The following RAD52 variants were observed in gnomAD, a reference collection of about 807,000 sequenced individuals.
The protein encoded by RAD52 is RAD52 DNA repair protein.
A neutral mutation model predicts 55.5 loss-of-function variants in RAD52; 47 were observed. That is an observed-to-expected ratio of 0.85 (90% CI 0.67 to 1.08). RAD52 has a LOEUF of 1.08. Ranked by LOEUF, RAD52 falls within the 50% of genes least tolerant of loss-of-function variation. The pLI is 0.00. For missense variants in RAD52, 468 were observed against 522.8 expected (o/e 0.90, Z 1.02); for synonymous variants, 184 against 198.9 (o/e 0.92, Z 0.63).
At chr12:964,874 C>T (rs867060679) in intron 1 of RAD52, among the ~76,000 whole-genome samples, 14 of 152,118 alleles carry the variant, frequency 9.2e-5, no homozygotes, top group Middle Eastern at 3.4e-3. Context: ...ACCTCCCCAG[C>T]CTCTATGTGC....
chr12:926,821 G>A, intron 6 of RAD52: 1 of 1,536,858 alleles, frequency 6.5e-7, no homozygotes, highest in Non-Finnish European at 8.7e-7. Context: ...GACTGCTGAG[G>A]AGCACGGAGA....
At chr12:970,697 T>C (rs1318113470) in intron 1 of RAD52, among the ~76,000 whole-genome samples, 4 of 152,146 alleles carry the variant, frequency 2.6e-5, no homozygotes, top group African/African-American at 9.7e-5. Context: ...AGGAGGTGGT[T>C]ACAAATGGTT....
At chr12:948,532 G>C (rs1022520624) in intron 1 of RAD52, among the ~76,000 whole-genome samples, 1 of 152,022 alleles carries the variant, frequency 6.6e-6, no homozygotes, top group Non-Finnish European at 1.5e-5. Context: ...GGTGGTATGC[G>C]CCTGTAATTC....
chr12:970,548 T>C lies in RAD52; in HGVS notation c.-19+19261A>G, dbSNP rs550045246. On this transcript the variant is annotated intron_variant, in intron 1 of 11. Transcript: ENST00000430095. ...AGACTTCCTAAGATTCTTTTTTCAG[T>C]TTGAAAGTTTGGCCTATTAGGAATG... 1.8e-4 allele frequency among the ~76,000 whole-genome samples: 27 copies of C among 152,242 alleles called. 1 individual carries two copies. Among genetic ancestry groups the C allele is most frequent in the African/African-American group, 5.8e-4 (24 of 41,536 alleles).
chr12:987,457 C>T (rs1959100772), intron 1 of RAD52, among the ~76,000 whole-genome samples: 1 of 151,858 alleles, frequency 6.6e-6, no homozygotes, highest in Non-Finnish European at 1.5e-5. Context: ...TTCTGTCCTT[C>T]ATTAACTTTG....
chr12:972,803 G>A (rs568782090), intron 1 of RAD52, among the ~76,000 whole-genome samples: 3 of 151,074 alleles, frequency 2.0e-5, no homozygotes, highest in East Asian at 3.9e-4. Context: ...CGCTCTTGAG[G>A]TGGGGGCACA....
At chr12:916,937 G>T in intron 7 of RAD52, 117 bp from the exon 8 acceptor site, 1 of 1,381,352 alleles carries the variant, frequency 7.2e-7, no homozygotes, top group Non-Finnish European at 9.7e-7. Flanking sequence ...CATCCATCAC[G>T]CCTTCTAGGT....
At chr12:970,336 A>AAAAAAAAAAC (rs1288567976) in intron 1 of RAD52, among the ~76,000 whole-genome samples, 1 of 151,334 alleles carries the variant, frequency 6.6e-6, no homozygotes. Flanking sequence ...AAAAAAAAAA[A>AAAAAAAAAAC]AAAAAGTCAT....
chr12:919,264 G>A (rs1956577172), intron 7 of RAD52, among the ~76,000 whole-genome samples: 1 of 151,740 alleles, frequency 6.6e-6, no homozygotes, highest in South Asian at 2.1e-4. Flanking sequence ...TGGCCAACAT[G>A]GCGAAACCCC....
At chr12:955,015 C>T (rs1209287364) in intron 1 of RAD52, among the ~76,000 whole-genome samples, 1 of 152,152 alleles carries the variant, frequency 6.6e-6, no homozygotes, top group African/African-American at 2.4e-5. Flanking sequence ...TAGCAAGATG[C>T]CTTACTAAGT....
At chr12:929,750 C>G (rs182195614) in intron 5 of RAD52, 69 bp downstream of exon 5, 1 of 1,461,924 alleles carries the variant, frequency 6.8e-7, no homozygotes, top group Non-Finnish European at 9.6e-7. Context: ...CTACCTACTT[C>G]CCTACCTGCT....
chr12:951,403 C>T (rs975424871), upstream of RAD52, among the ~76,000 whole-genome samples: 11 of 152,212 alleles, frequency 7.2e-5, no homozygotes, highest in Admixed American at 6.5e-5. Context: ...TAAACCAGTG[C>T]ACCTGGTGCC....
rs1341086843 is a variant in RAD52, at chr12:927,654, T to A, written c.349-391A>T. Among the ~76,000 whole-genome samples the A allele has an allele frequency of 2.0e-5, 3 of 152,102 alleles. No homozygotes were observed. The East Asian group carries it at 5.8e-4, about 29-fold the overall frequency. ...GTCAAGGGAGGTGGATCACTTGAGG[T>A]CAGGAGTTCAAGACCAGCCTGGTCA... On this transcript the variant is annotated intron_variant, in intron 5 of 11. Coordinates refer to ENST00000358495, the MANE Select transcript of RAD52 (RefSeq NM_134424.4).
upstream of RAD52, among the ~76,000 whole-genome samples, chr12:951,189 T>G (rs769941268): frequency 6.6e-6 from 1 of 152,234 alleles, no homozygotes; most frequent in African/African-American, 2.4e-5. Context: ...CATGGCTCAC[T>G]GCAACCTCTA....
Position 925,450 on chromosome 12 carries a change from C to T in RAD52, c.543G>A (p.Gln181=). ...YLRSLNKLPR[Q]LPLEVDLTKA... is the part of the protein sequence containing the mutation. ...CTCCACTCATCCATGTCTGATATAC[C>T]TGGCGTGGAAGCTTATTTAGTGATC... The change falls in exon 7 of 12, where the codon CAG becomes CAA. Residue 181 remains glutamine (Q), a splice_region_variant and synonymous_variant. Transcript: ENST00000358495. 1 of 1,612,320 alleles carries T rather than the reference C, an allele frequency of 6.2e-7. No homozygotes were observed.
At chr12:972,329 G>T (rs978578424) in intron 1 of RAD52, among the ~76,000 whole-genome samples, 2 of 152,074 alleles carry the variant, frequency 1.3e-5, no homozygotes, top group African/African-American at 2.4e-5. Context: ...AATAAAACAG[G>T]ATATGGGGAC....
chr12:963,143 AT>A (rs1382119421), intron 1 of RAD52, among the ~76,000 whole-genome samples: 2 of 152,158 alleles, frequency 1.3e-5, no homozygotes, highest in African/African-American at 4.8e-5. Flanking sequence ...GTTTTCATTT[AT>A]TTAGTTAAAA....
chr12:972,707 A>C (rs945582561), intron 1 of RAD52, among the ~76,000 whole-genome samples: 2 of 144,576 alleles, frequency 1.4e-5, no homozygotes, highest in African/African-American at 5.2e-5. Flanking sequence ...CCGAGGTTGC[A>C]GTGAGCTGAG....
intron 1 of RAD52, among the ~76,000 whole-genome samples, chr12:981,692 G>A (rs1159202337): frequency 6.6e-6 from 1 of 151,638 alleles, no homozygotes; most frequent in Non-Finnish European, 1.5e-5. Flanking sequence ...AGGAGGTGAA[G>A]GTTGAAGTGA....
Sources: gnomAD v4.1 joint callset for allele counts (sites outside exome capture counted in the v4.1 genomes callset) on GRCh38, gnomAD v4.1.1 for gene constraint, MANE v1.5 for transcripts, NCBI Gene and HGNC (gene_info 2026-07-23, HGNC 2026-07-21) for gene names.